Variants in PAPLN observed in about 807,000 individuals in gnomAD.
The protein encoded by PAPLN is papilin, proteoglycan like sulfated glycoprotein, also known as papilin.
Under a neutral mutation model 159.0 loss-of-function variants are expected in PAPLN, and 146 were observed. That is an observed-to-expected ratio of 0.92 (90% CI 0.80 to 1.05). PAPLN has a LOEUF of 1.05. Among genes scored for constraint, PAPLN ranks in the 50% least tolerant of loss-of-function variants. The probability of loss-of-function intolerance (pLI) is 0.00; values close to 1 mark genes in which losing one functional copy is unlikely to be tolerated. For synonymous variants in PAPLN, 734 were observed against 702.9 expected (o/e 1.04, Z -0.70); for missense variants, 1,720 against 1,743.9 (o/e 0.99, Z 0.24).
intron 17 of PAPLN, 147 bp downstream of exon 17, chr14:73,260,976 C>A: frequency 7.1e-7 from 1 of 1,404,314 alleles, no homozygotes; most frequent in Non-Finnish European, 9.5e-7. Flanking sequence ...TGGAGGGCAC[C>A]GGGCTTCAAA....
In PAPLN at chr14:73,264,706, A is replaced by C. The variant is rs1159520853; in HGVS notation, c.3105A>C (p.Ser1035=). The part of the protein sequence containing the change: ...AAGPLGAIPS[S]HPQPANRLRL... ...GGCCCCTGGGGGCCATCCCCTCTTC[A>C]CACCCACAGCCTGCAAACAGGTAAG... Residue 1035 remains serine (S), a synonymous_variant, in exon 22 of 27, where the codon TCA becomes TCC. Transcript: ENST00000644200. 3 of 1,612,604 alleles carry C rather than the reference A, an allele frequency of 1.9e-6. No individual in the cohort carries two copies. Among genetic ancestry groups the C allele is most frequent in the South Asian group, 1.1e-5 (1 of 90,986 alleles).
chr14:73,254,709 A>AC lies in PAPLN; in HGVS notation c.1485+19dup, dbSNP rs1303505328. 19 of 1,608,926 alleles carry AC rather than the reference A, an allele frequency of 1.2e-5. No individual in the cohort carries two copies. The highest frequency in any genetic ancestry group is 1.7e-5 in the Admixed American group (1 of 59,688). ...ACCTGGGGTCTAGTGAGTGCTCTCCACCCCCACACCTGCTGCCTGACCCTG... is the reference window on the plus strand; with the variant it reads ...ACCTGGGGTCTAGTGAGTGCTCTCCACCCCCCACACCTGCTGCCTGACCCTG... On this transcript the variant is annotated intron_variant, in intron 13 of 26. Transcript: ENST00000644200.
intron 11 of PAPLN, chr14:73,253,018 T>C (rs1885475077): frequency 1.9e-6 from 2 of 1,066,440 alleles, no homozygotes. Flanking sequence ...CTAGGCTTGG[T>C]GGCAGGAGGG....
intron 21 of PAPLN, 44 bp downstream of exon 21, chr14:73,264,379 G>C: frequency 6.3e-7 from 1 of 1,588,402 alleles, no homozygotes; most frequent in Non-Finnish European, 8.6e-7. Context: ...TCAGGGGCCC[G>C]AGTGGGAAGG....
chr14:73,264,585 CA>C lies in PAPLN; in HGVS notation c.2987-2del. On this transcript the variant is annotated splice_acceptor_variant, in intron 21 of 26. Transcript: ENST00000644200. LOFTEE classifies it high-confidence loss of function. ...CACCTTGTTTCTCCTGGCCTCATGA[CA>C]GGGGGTGACATGGCCGTGCTGTCTG... The C allele has an allele frequency of 1.9e-6, 3 of 1,596,320 alleles. No homozygotes were observed. Among genetic ancestry groups the C allele is most frequent in the Non-Finnish European group, 2.6e-6 (3 of 1,174,886 alleles).
In PAPLN at chr14:73,250,136, C is replaced by T. The variant is rs993100491; in HGVS notation, c.465+22C>T. On this transcript the variant is annotated intron_variant, in intron 6 of 26. Coordinates refer to ENST00000644200, the MANE Select transcript of PAPLN (RefSeq NM_001365906.3). Reference sequence around the variant, plus strand: ...CCGGGTGAGTGGTGCCCCAGCCCCTCCCTGCCTCCGGGCTGCCTGGGGGCT... The same window carrying T: ...CCGGGTGAGTGGTGCCCCAGCCCCTTCCTGCCTCCGGGCTGCCTGGGGGCT... The T allele has an allele frequency of 2.5e-6, 4 of 1,591,080 alleles. No individual in the cohort carries two copies. In the African/African-American group the frequency reaches 5.4e-5, roughly 21 times the overall value.
At chr14:73,262,892 C>T in intron 19 of PAPLN, 65 bp downstream of exon 19, 3 of 1,335,048 alleles carry the variant, frequency 2.2e-6, no homozygotes, top group Non-Finnish European at 2.9e-6. Context: ...CCAGTTGGAG[C>T]TAAACCCCTG....
intron 10 of PAPLN, 41 bp from the exon 11 acceptor site, chr14:73,252,608 G>A (rs774333843): frequency 8.1e-6 from 13 of 1,602,044 alleles, no homozygotes; most frequent in Non-Finnish European, 1.0e-5. Flanking sequence ...CTTGGTGAAT[G>A]TTGACTGGCG....
rs71112722 is a variant in PAPLN at position 73,248,075 on chromosome 14, CTGTGTG to C, written c.335-1882_335-1877del. Among the ~76,000 whole-genome samples, 427 of 45,590 alleles carry C rather than the reference CTGTGTG, an allele frequency of 9.4e-3. 17 individuals are homozygous for C. Among genetic ancestry groups the C allele is most frequent in the African/African-American group, 0.044 (281 of 6,390 alleles). The allele number at this position is 45,590 out of a possible 152,430, so 29.9% of individuals were successfully genotyped here. On this transcript the variant is annotated intron_variant, in intron 5 of 26. Coordinates refer to ENST00000644200, the MANE Select transcript of PAPLN (RefSeq NM_001365906.3). ...TGGCCCAGTGGGAGTCTCATATCCTCTGTGTGTGTGTGTGTGTGTGTGTGTGTGTGT... is the reference window on the plus strand; with the variant it reads ...TGGCCCAGTGGGAGTCTCATATCCTCTGTGTGTGTGTGTGTGTGTGTGTGT...
chr14:73,272,952 A>G lies in PAPLN; in HGVS notation c.*288A>G. The stretch of plus-strand genomic sequence containing the variant: ...CCTTTACTTTACAGCTTCCCTTTAT[A>G]ATTTGTTACACAGGAATAGTTAAAT... On this transcript the variant is annotated 3_prime_UTR_variant, in exon 27 of 27. Transcript: ENST00000644200. 1 of 275,722 alleles carries G rather than the reference A, an allele frequency of 3.6e-6. No homozygotes were observed. The highest frequency in any genetic ancestry group is 6.7e-6 in the Non-Finnish European group (1 of 148,858). The allele number at this position is 275,722 out of a possible 1,614,324, so 17.1% of individuals were successfully genotyped here. A position where few individuals can be genotyped will look rare whatever the true frequency, so the allele number is the denominator to read the frequency against.
chr14:73,272,312 T>G, intron 26 of PAPLN, 183 bp from the exon 27 acceptor site: 1 of 485,040 alleles, frequency 2.1e-6, no homozygotes. Context: ...AAGAAACAGG[T>G]AGAAATCATC....
rs1188009642 is a variant in PAPLN, at chr14:73,272,700, T to C, written c.*36T>C. On this transcript the variant is annotated 3_prime_UTR_variant, in exon 27 of 27. Transcript: ENST00000644200. ...TAGTTCCAGCCCCAGTCCAAAATAG[T>C]TCATAGGGCTAGGGAGAAAGGAAGA... 2.7e-6 allele frequency: 4 copies of C among 1,499,120 alleles called. No homozygotes were observed. In the African/African-American group the frequency reaches 5.5e-5, roughly 21 times the overall value. The allele number at this position is 1,499,120 out of a possible 1,614,324, so 92.9% of individuals were successfully genotyped here. A position where few individuals can be genotyped will look rare whatever the true frequency, so the allele number is the denominator to read the frequency against.
rs754063244 is a variant in PAPLN, at chr14:73,259,408, A to G, written c.1848A>G (p.Pro616=). 6.2e-7 allele frequency: 1 copy of G among 1,612,632 alleles called. No homozygotes were observed. The highest frequency in any genetic ancestry group is 1.3e-5 in the African/African-American group (1 of 74,924). ...CCGCTCCCTCTCTGCAGCAGCCCCC[A>G]TACCAGCAACCCCTGCGGTCGGGCT... ...LGPAPSLQQP[P]YQQPLRSGSG... is the part of the protein sequence containing the mutation. The change falls in exon 16 of 27, where the codon CCA becomes CCG. Residue 616 remains proline, a synonymous_variant. Transcript: ENST00000644200.
Position 73,260,842 on chromosome 14 carries a change from C to T in PAPLN, c.2106+13C>T, listed in dbSNP as rs748167865. ...AGTGGCTTCTACAGTAAGTGTCTGGCCTGGGGGAGGGGAGCAGGGGGCCAG... is the reference window on the plus strand; with the variant it reads ...AGTGGCTTCTACAGTAAGTGTCTGGTCTGGGGGAGGGGAGCAGGGGGCCAG... On this transcript the variant is annotated intron_variant, in intron 17 of 26. Transcript: ENST00000644200. 3.3e-6 allele frequency: 5 copies of T among 1,497,912 alleles called. No homozygotes were observed. Among genetic ancestry groups the T allele is most frequent in the Admixed American group, 2.4e-5 (1 of 42,480 alleles). 92.8% of individuals were successfully genotyped at this position (1,497,912 alleles called of 1,614,324 possible). A position where few individuals can be genotyped will look rare whatever the true frequency, so the allele number is the denominator to read the frequency against.
intron 5 of PAPLN, among the ~76,000 whole-genome samples, chr14:73,246,563 TTC>T (rs1284662426): frequency 1.3e-5 from 2 of 151,534 alleles, no homozygotes; most frequent in East Asian, 3.9e-4. Context: ...TTTCTTTTCT[TTC>T]TCTCTCGTTC....
chr14:73,238,323 C>T (rs1460061819), intron 1 of PAPLN, among the ~76,000 whole-genome samples: 1 of 152,252 alleles, frequency 6.6e-6, no homozygotes, highest in African/African-American at 2.4e-5. Context: ...TGCCCGGGGC[C>T]ACCCGGTCCC....
At chr14:73,247,058 G>T (rs1213591767) in intron 5 of PAPLN, among the ~76,000 whole-genome samples, 1 of 152,140 alleles carries the variant, frequency 6.6e-6, no homozygotes, top group South Asian at 2.1e-4. Context: ...TTTGAGCCCT[G>T]TTTTTGCTCA....
intron 14 of PAPLN, 127 bp downstream of exon 14, chr14:73,255,145 C>A: frequency 1.5e-6 from 2 of 1,303,258 alleles, no homozygotes; most frequent in Admixed American, 2.4e-5. Context: ...CCCACTTCTC[C>A]CATGTCTCCC....
chr14:73,262,607 G>A lies in PAPLN; in HGVS notation c.2503G>A (p.Glu835Lys), dbSNP rs553629942. Residue 835 changes from glutamate to lysine, a missense_variant, in exon 19 of 27, where the codon GAG (glutamate) becomes AAG (lysine). Glu to Lys is a moderately conservative substitution (Grantham distance 56). Coordinates refer to ENST00000644200, the MANE Select transcript of PAPLN (RefSeq NM_001365906.3). Reference sequence around the variant, plus strand: ...TGGTGGCGGCAGCAGTCCTGCAGGCGAGCAGGAACCCAGCCAGCACAGGAC... The same window carrying A: ...TGGTGGCGGCAGCAGTCCTGCAGGCAAGCAGGAACCCAGCCAGCACAGGAC... Reference protein sequence around the residue: ...TDGGGSSPAGEQEPSQHRTGA... With the variant: ...TDGGGSSPAGKQEPSQHRTGA... 1.2e-4 allele frequency: 182 copies of A among 1,553,108 alleles called. No homozygotes were observed. In the South Asian group the frequency reaches 1.6e-3, roughly 14 times the overall value.
Sources: gnomAD v4.1 joint callset for allele counts (sites outside exome capture counted in the v4.1 genomes callset) on GRCh38, gnomAD v4.1.1 for gene constraint, MANE v1.5 for transcripts, NCBI Gene and HGNC (gene_info 2026-07-23, HGNC 2026-07-21) for gene names.